Variants in TMEM117 observed in about 807,000 individuals in gnomAD.
TMEM117 encodes the protein transmembrane protein 117.
In TMEM117, 27 loss-of-function variants were observed where a neutral mutation model predicts 52.4. The ratio of observed to expected loss-of-function variants is 0.51; its 90% CI spans 0.38 to 0.71. The LOEUF (loss-of-function observed/expected upper bound fraction) is 0.71. Among genes scored for constraint, TMEM117 ranks in the 30% least tolerant of loss-of-function variants. The pLI, the probability that TMEM117 is intolerant of heterozygous loss-of-function variation, is 0.00. For missense variants in TMEM117, 556 were observed against 630.5 expected, an observed-to-expected ratio of 0.88 and a Z score of 1.26; for synonymous variants, 215 against 206.3, an observed-to-expected ratio of 1.04 and a Z score of -0.36.
At chr12:43,838,544 T>G (rs1374163520) in intron 1 of TMEM117, among the ~76,000 whole-genome samples, 1 of 150,158 alleles carries the variant, frequency 6.7e-6, no homozygotes, top group East Asian at 1.9e-4. Context: ...CCAGTTTTTT[T>G]TTTTTTTTTT....
intron 5 of TMEM117, among the ~76,000 whole-genome samples, chr12:44,295,011 G>T (rs1247053398): frequency 3.3e-5 from 5 of 152,244 alleles, no homozygotes; most frequent in Non-Finnish European, 4.4e-5. Context: ...TATTCTCTGG[G>T]TGGGTCCTTC....
chr12:44,037,636 C>T (rs1029099586), intron 3 of TMEM117, among the ~76,000 whole-genome samples: 3 of 152,110 alleles, frequency 2.0e-5, no homozygotes, highest in Non-Finnish European at 2.9e-5. Context: ...TTTCTGGGCC[C>T]ACCCATGGCC....
intron 5 of TMEM117, among the ~76,000 whole-genome samples, chr12:44,234,920 T>A (rs909663961): frequency 1.3e-5 from 2 of 151,574 alleles, no homozygotes; most frequent in Admixed American, 6.6e-5. Context: ...TATTCTGTAT[T>A]TTGGGAGTAC....
chr12:44,149,119 T>C (rs1274549253), intron 4 of TMEM117, among the ~76,000 whole-genome samples: 1 of 152,144 alleles, frequency 6.6e-6, no homozygotes, highest in Non-Finnish European at 1.5e-5. Context: ...TTCTTGAGTG[T>C]AAATGGCAAA....
chr12:44,045,676 C>T (rs1039291044), intron 3 of TMEM117, among the ~76,000 whole-genome samples: 1 of 152,050 alleles, frequency 6.6e-6, no homozygotes, highest in Non-Finnish European at 1.5e-5. Context: ...AACCCTGTCT[C>T]TACTAAAAAT....
intron 4 of TMEM117, among the ~76,000 whole-genome samples, chr12:44,209,211 G>T (rs1336186622): frequency 6.6e-6 from 1 of 152,042 alleles, no homozygotes; most frequent in Non-Finnish European, 1.5e-5. Flanking sequence ...TTATACCTAA[G>T]AGTATGTGAG....
rs7132031 is a variant in TMEM117, at chr12:44,211,216, A to T, written c.511-74A>T. 22,289 of 998,176 alleles carry T rather than the reference A, an allele frequency of 0.022. 2,167 individuals carry two copies. In the African/African-American group the frequency reaches 0.26, roughly 12 times the overall value. The allele number at this position is 998,176 out of a possible 1,614,324, so 61.8% of individuals were successfully genotyped here. On this transcript the variant is annotated intron_variant, in intron 4 of 7. Coordinates refer to ENST00000266534, the MANE Select transcript of TMEM117 (RefSeq NM_032256.3). ...ACTTATTCTGTTCTCAATAGAATGT[A>T]AATTATAGGCTTATAGTTAAATCTG...
chr12:43,973,640 A>G (rs1316612822), intron 3 of TMEM117, among the ~76,000 whole-genome samples: 1 of 152,228 alleles, frequency 6.6e-6, no homozygotes, highest in Non-Finnish European at 1.5e-5. Flanking sequence ...GTGAGACAAG[A>G]TCAGCAGCTC....
chr12:44,382,648 C>T (rs1230837707), intron 7 of TMEM117, among the ~76,000 whole-genome samples: 1 of 152,164 alleles, frequency 6.6e-6, no homozygotes, highest in Non-Finnish European at 1.5e-5. Flanking sequence ...CTTATGATCA[C>T]ATGTTCCTAC....
chr12:44,049,147 A>G (rs1245766753), intron 3 of TMEM117, among the ~76,000 whole-genome samples: 2 of 152,184 alleles, frequency 1.3e-5, no homozygotes, highest in Non-Finnish European at 2.9e-5. Flanking sequence ...TACATTAGCA[A>G]AGTCACAGAA....
chr12:44,167,322 T>C (rs1292788284), intron 4 of TMEM117, among the ~76,000 whole-genome samples: 7 of 152,280 alleles, frequency 4.6e-5, no homozygotes, highest in African/African-American at 1.7e-4. Flanking sequence ...CAGTGCCCAC[T>C]GCACTCCTTT....
At chr12:43,884,425 T>C (rs1045200660) in intron 2 of TMEM117, among the ~76,000 whole-genome samples, 2 of 152,210 alleles carry the variant, frequency 1.3e-5, no homozygotes, top group Admixed American at 6.5e-5. Context: ...TTTAGATTTA[T>C]AGTATTTGTT....
chr12:44,000,777 G>A (rs997809402), intron 3 of TMEM117, among the ~76,000 whole-genome samples: 4 of 152,126 alleles, frequency 2.6e-5, no homozygotes, highest in Admixed American at 6.5e-5. Context: ...ACCTCTTCCC[G>A]GGTCGGTTTT....
intron 2 of TMEM117, among the ~76,000 whole-genome samples, chr12:43,910,211 A>G (rs1944472208): frequency 6.6e-6 from 1 of 151,782 alleles, no homozygotes; most frequent in Non-Finnish European, 1.5e-5. Flanking sequence ...AATAAATGTA[A>G]TCCAGCATAT....
At chr12:43,851,144 T>C (rs1378391451) in intron 2 of TMEM117, among the ~76,000 whole-genome samples, 1 of 152,228 alleles carries the variant, frequency 6.6e-6, no homozygotes, top group East Asian at 1.9e-4. Context: ...CTCTTCTTAG[T>C]AGATTCCAGA....
intron 3 of TMEM117, among the ~76,000 whole-genome samples, chr12:44,043,121 G>A (rs73089734): frequency 0.089 from 13,599 of 152,202 alleles, 980 homozygotes; most frequent in African/African-American, 0.19. Flanking sequence ...ACCAAGGAGC[G>A]TAATGAAGCT....
Position 44,079,800 on chromosome 12 carries a change from G to A in TMEM117, c.411-63725G>A, listed in dbSNP as rs559200169. ...GGAGGCCAAGGCAGGTGGATCACCC[G>A]AGGTCAGGAGTTCAAGACCAGCCTG... On this transcript the variant is annotated intron_variant, in intron 3 of 7. Coordinates refer to ENST00000266534, the MANE Select transcript of TMEM117 (RefSeq NM_032256.3). 5.3e-5 allele frequency among the ~76,000 whole-genome samples: 8 copies of A among 152,058 alleles called. No homozygotes were observed. In the East Asian group the frequency reaches 1.2e-3, roughly 22 times the overall value.
intron 3 of TMEM117, among the ~76,000 whole-genome samples, chr12:44,047,793 T>A (rs1000879864): frequency 1.3e-5 from 2 of 152,170 alleles, no homozygotes; most frequent in African/African-American, 4.8e-5. Flanking sequence ...ATATTTTGTT[T>A]AGGATTTTTG....
At chr12:44,303,764 C>T (rs752978653) in intron 6 of TMEM117, among the ~76,000 whole-genome samples, 4 of 152,128 alleles carry the variant, frequency 2.6e-5, no homozygotes, top group South Asian at 2.1e-4. Context: ...TCCCACCCAC[C>T]GTTCTTCTTT....
Sources: allele counts gnomAD v4.1 joint callset (sites outside exome capture counted in the v4.1 genomes callset), GRCh38; gene constraint gnomAD v4.1.1; transcripts MANE v1.5; gene names NCBI Gene and HGNC (gene_info 2026-07-23, HGNC 2026-07-21).